NXPE2: variants seen among roughly 807,000 people sequenced by gnomAD.
NXPE2 encodes neurexophilin and PC-esterase domain family member 2.
A neutral mutation model predicts 34.4 loss-of-function variants in NXPE2; 34 were observed. The ratio of observed to expected loss-of-function variants is 0.99; its 90% confidence interval spans 0.75 to 1.31. The LOEUF (loss-of-function observed/expected upper bound fraction) is 1.31. NXPE2 is among the 40% of genes most tolerant of loss of function. The pLI is 0.00. For missense variants in NXPE2, 649 were observed against 672.5 expected (o/e 0.97, Z 0.39); for synonymous variants, 235 against 231.3 (o/e 1.02, Z -0.15).
intron 2 of NXPE2, among the ~76,000 whole-genome samples, chr11:114,681,106 GTC>G (rs1434095768): frequency 6.6e-6 from 1 of 152,110 alleles, no homozygotes; most frequent in Non-Finnish European, 1.5e-5. Flanking sequence ...CCTCCAAAAT[GTC>G]TCTCAAGTCT....
At chr11:114,625,790 G>C in the NXPE2 span, among the ~76,000 whole-genome samples, 4 of 152,114 alleles carry the variant, frequency 2.6e-5, no homozygotes, top group African/African-American at 9.7e-5. Context: ...GGGAGTGCCA[G>C]ACAGTGGGTG....
the NXPE2 span, among the ~76,000 whole-genome samples, chr11:114,595,060 AG>A: frequency 5.3e-5 from 8 of 152,254 alleles, no homozygotes; most frequent in South Asian, 1.7e-3. Flanking sequence ...GCTCGTGTCT[AG>A]ATGAAGTCTC....
chr11:114,721,243 G>T, the NXPE2 span, among the ~76,000 whole-genome samples: 2 of 138,866 alleles, frequency 1.4e-5, no homozygotes, highest in Admixed American at 1.5e-4. Flanking sequence ...CTTTCTTCAG[G>T]TTTTTTTTTT....
chr11:114,573,599 A>G, the NXPE2 span, among the ~76,000 whole-genome samples: 24 of 152,174 alleles, frequency 1.6e-4, no homozygotes, highest in Non-Finnish European at 3.4e-4. Flanking sequence ...CTTTAAAGCA[A>G]CAGCAGTTTA....
At chr11:114,596,494 A>G in the NXPE2 span, among the ~76,000 whole-genome samples, 6 of 152,314 alleles carry the variant, frequency 3.9e-5, no homozygotes, top group African/African-American at 1.4e-4. Context: ...TTATGTTTTT[A>G]AAAAGATGGA....
At chr11:114,690,871 T>A (rs1444552812) in intron 2 of NXPE2, among the ~76,000 whole-genome samples, 1 of 152,066 alleles carries the variant, frequency 6.6e-6, no homozygotes, top group Non-Finnish European at 1.5e-5. Context: ...TCTAGACCAT[T>A]GTTAAGGTTT....
chr11:114,728,626 C>A, the NXPE2 span, among the ~76,000 whole-genome samples: 1 of 151,950 alleles, frequency 6.6e-6, no homozygotes, highest in Non-Finnish European at 1.5e-5. Flanking sequence ...TTCTTTAAAC[C>A]AGAGGCCAAT....
At chr11:114,580,333 T>C in the NXPE2 span, 1 of 1,613,770 alleles carries the variant, frequency 6.2e-7, no homozygotes, top group Non-Finnish European at 8.5e-7. Context: ...ATTGCAACTG[T>C]TTCTTCTGCC....
the NXPE2 span, among the ~76,000 whole-genome samples, chr11:114,604,409 A>G: frequency 6.6e-6 from 1 of 151,918 alleles, no homozygotes; most frequent in African/African-American, 2.4e-5. Flanking sequence ...ATGGATAGTA[A>G]GTATTGCCTC....
the NXPE2 span, among the ~76,000 whole-genome samples, chr11:114,731,999 T>C: frequency 6.6e-6 from 1 of 152,222 alleles, no homozygotes; most frequent in African/African-American, 2.4e-5. Context: ...GGGATTTCTG[T>C]GTTCTTCTGA....
At chr11:114,632,031 T>C in the NXPE2 span, among the ~76,000 whole-genome samples, 1 of 146,356 alleles carries the variant, frequency 6.8e-6, no homozygotes. Flanking sequence ...AATTATACTT[T>C]ATATATAATA....
the NXPE2 span, among the ~76,000 whole-genome samples, chr11:114,777,752 C>T: frequency 5.3e-5 from 8 of 152,336 alleles, no homozygotes; most frequent in South Asian, 1.5e-3. Context: ...AGGAGCAAGA[C>T]TGCCATCTGC....
chr11:114,501,897 G>A, the NXPE2 span, among the ~76,000 whole-genome samples: 1 of 152,192 alleles, frequency 6.6e-6, no homozygotes, highest in Admixed American at 6.5e-5. Context: ...GGGACATTTT[G>A]CTTTGGGAAA....
At chr11:114,741,054 A>C in the NXPE2 span, among the ~76,000 whole-genome samples, 1 of 152,130 alleles carries the variant, frequency 6.6e-6, no homozygotes, top group Non-Finnish European at 1.5e-5. Context: ...GAAAGTCTTT[A>C]TCTCTTCCTC....
chr11:114,810,387 C>A, the NXPE2 span, among the ~76,000 whole-genome samples: 1 of 89,686 alleles, frequency 1.1e-5, no homozygotes, highest in African/African-American at 3.6e-5. Flanking sequence ...ACGAAACTAC[C>A]ATCAGAATGA....
the NXPE2 span, among the ~76,000 whole-genome samples, chr11:114,742,620 A>ATTT: frequency 0.43 from 57,366 of 133,608 alleles, 13,602 homozygotes; most frequent in East Asian, 0.75. Flanking sequence ...TTATTCTTGG[A>ATTT]TTTTTTTTTT....
chr11:114,535,429 C>A, the NXPE2 span, among the ~76,000 whole-genome samples: 1 of 152,156 alleles, frequency 6.6e-6, no homozygotes, highest in African/African-American at 2.4e-5. Context: ...TCACACATAA[C>A]AATACTAACC....
the NXPE2 span, among the ~76,000 whole-genome samples, chr11:114,666,203 C>T: frequency 1.3e-5 from 2 of 152,118 alleles, no homozygotes; most frequent in East Asian, 3.9e-4. Flanking sequence ...TTTTTGAAAG[C>T]TATATACCTT....
At chr11:114,688,795 T>A (rs1951093235) in intron 2 of NXPE2, among the ~76,000 whole-genome samples, 1 of 152,074 alleles carries the variant, frequency 6.6e-6, no homozygotes, top group Non-Finnish European at 1.5e-5. Flanking sequence ...CTGTTCAGGA[T>A]TTCTGTTCTT....
Sources: gnomAD v4.1 joint callset for allele counts (sites outside exome capture counted in the v4.1 genomes callset) on GRCh38, gnomAD v4.1.1 for gene constraint, MANE v1.5 for transcripts, NCBI Gene and HGNC (gene_info 2026-07-23, HGNC 2026-07-21) for gene names.